Variants in CBLB observed in about 807,000 individuals in gnomAD.
CBLB encodes E3 ubiquitin-protein ligase CBL-B.
CBLB carries 31 observed loss-of-function variants against 104.9 expected under a neutral mutation model. The observed-to-expected ratio is 0.30, with a 90% CI of 0.22 to 0.40. The LOEUF (loss-of-function observed/expected upper bound fraction) is 0.40, where lower values mean the gene tolerates loss of function less well. Ranked by LOEUF, CBLB falls within the 10% of genes least tolerant of loss-of-function variation. CBLB has a pLI of 1.00. For synonymous variants in CBLB, 440 were observed against 422.6 expected (o/e 1.04, Z -0.51); for missense variants, 1,062 against 1,214.6 (o/e 0.87, Z 1.87).
intron 13 of CBLB, among the ~76,000 whole-genome samples, chr3:105,691,431 C>A (rs1423861071): frequency 6.6e-6 from 1 of 152,170 alleles, no homozygotes; most frequent in Non-Finnish European, 1.5e-5. Context: ...ATTTTACTAT[C>A]AATTTGTTAT....
At chr3:105,808,804 G>A (rs2083864447) in intron 3 of CBLB, among the ~76,000 whole-genome samples, 1 of 152,162 alleles carries the variant, frequency 6.6e-6, no homozygotes, top group African/African-American at 2.4e-5. Flanking sequence ...AGAAATAACT[G>A]ATAAAAATGC....
At chr3:105,862,261 T>C (rs1294239304) in intron 2 of CBLB, among the ~76,000 whole-genome samples, 1 of 152,192 alleles carries the variant, frequency 6.6e-6, no homozygotes, top group African/African-American at 2.4e-5. Flanking sequence ...CACTTAATTT[T>C]CTGATTTTAA....
At chr3:105,820,706 GA>G (rs1275619043) in intron 3 of CBLB, among the ~76,000 whole-genome samples, 2 of 151,928 alleles carry the variant, frequency 1.3e-5, no homozygotes, top group Non-Finnish European at 2.9e-5. Flanking sequence ...AGCACAGAAA[GA>G]AATTCTTCAG....
At chr3:105,790,433 T>C (rs1471514206) in intron 3 of CBLB, among the ~76,000 whole-genome samples, 2 of 152,252 alleles carry the variant, frequency 1.3e-5, no homozygotes, top group Non-Finnish European at 1.5e-5. Flanking sequence ...AGATTGATTT[T>C]ATATGCATGA....
intron 4 of CBLB, among the ~76,000 whole-genome samples, chr3:105,751,851 C>T (rs1282801788): frequency 2.0e-5 from 3 of 152,118 alleles, no homozygotes; most frequent in African/African-American, 7.2e-5. Context: ...TTCTCTCAAA[C>T]AGTCCTAGGC....
At chr3:105,741,198 G>GT (rs1213115828) in intron 6 of CBLB, among the ~76,000 whole-genome samples, 10 of 127,258 alleles carry the variant, frequency 7.9e-5, no homozygotes, top group South Asian at 5.4e-4. Flanking sequence ...TAGTTTGTTT[G>GT]TTTTTTTTGA....
intron 4 of CBLB, among the ~76,000 whole-genome samples, chr3:105,772,786 C>T (rs370568155): frequency 4.8e-4 from 73 of 152,242 alleles, no homozygotes; most frequent in Non-Finnish European, 7.5e-4. Flanking sequence ...CACTAATCAT[C>T]GGGGAAATGC....
intron 18 of CBLB, among the ~76,000 whole-genome samples, chr3:105,669,610 T>C (rs1256255400): frequency 6.6e-6 from 1 of 152,002 alleles, no homozygotes; most frequent in East Asian, 1.9e-4. Flanking sequence ...ACCAAATGAA[T>C]TCTGAATAAC....
chr3:105,842,863 T>C (rs1223979714), intron 3 of CBLB, among the ~76,000 whole-genome samples: 2 of 152,242 alleles, frequency 1.3e-5, no homozygotes, highest in African/African-American at 4.8e-5. Flanking sequence ...CCAACTTATA[T>C]ACTCAGTCTG....
chr3:105,708,151 C>G (rs556161466), intron 10 of CBLB, among the ~76,000 whole-genome samples: 2 of 152,162 alleles, frequency 1.3e-5, no homozygotes, highest in East Asian at 3.9e-4. Flanking sequence ...CTTTCTTCCA[C>G]AGTTCTAATC....
chr3:105,756,390 C>T (rs185704593), intron 4 of CBLB, among the ~76,000 whole-genome samples: 70 of 151,852 alleles, frequency 4.6e-4, no homozygotes, highest in African/African-American at 1.7e-3. Flanking sequence ...ATCTAAAAGT[C>T]CCAAATAAAT....
chr3:105,834,722 C>T (rs1221356262), intron 3 of CBLB, among the ~76,000 whole-genome samples: 2 of 152,076 alleles, frequency 1.3e-5, no homozygotes, highest in African/African-American at 4.8e-5. Context: ...ACAAAATCTT[C>T]CCCACTATAC....
At chr3:105,787,344 C>T (rs939341565) in intron 3 of CBLB, among the ~76,000 whole-genome samples, 2 of 152,174 alleles carry the variant, frequency 1.3e-5, no homozygotes. Context: ...GAAGAAAACA[C>T]AGTGCTGACA....
chr3:105,676,935 T>C (rs1180930876), intron 17 of CBLB, among the ~76,000 whole-genome samples: 1 of 152,192 alleles, frequency 6.6e-6, no homozygotes, highest in Non-Finnish European at 1.5e-5. Flanking sequence ...CATGCCCTGG[T>C]TCCCCTTCAC....
At chr3:105,760,982 T>A (rs1044314589) in intron 4 of CBLB, among the ~76,000 whole-genome samples, 1 of 152,244 alleles carries the variant, frequency 6.6e-6, no homozygotes, top group Non-Finnish European at 1.5e-5. Flanking sequence ...AGCAGTCTAT[T>A]ACCGAAATGT....
intron 2 of CBLB, among the ~76,000 whole-genome samples, chr3:105,860,094 ACT>A (rs1054815291): frequency 2.6e-5 from 4 of 152,228 alleles, no homozygotes; most frequent in Admixed American, 6.5e-5. Context: ...TATTCTGTTC[ACT>A]CTCTTTCTTC....
intron 18 of CBLB, among the ~76,000 whole-genome samples, chr3:105,663,494 C>T (rs2064037817): frequency 6.6e-6 from 1 of 152,160 alleles, no homozygotes; most frequent in Admixed American, 6.5e-5. Flanking sequence ...TGGGTCGTGA[C>T]TGCCCTCAGC....
chr3:105,752,093 C>G (rs1243100596), intron 4 of CBLB, among the ~76,000 whole-genome samples: 1 of 152,096 alleles, frequency 6.6e-6, no homozygotes, highest in East Asian at 1.9e-4. Context: ...GGTAGAAAGC[C>G]ATCAAGACAT....
chr3:105,814,148 G>A (rs919229643), intron 3 of CBLB, among the ~76,000 whole-genome samples: 18 of 152,122 alleles, frequency 1.2e-4, no homozygotes, highest in Admixed American at 3.3e-4. Context: ...ATCAAAGAGT[G>A]AGACTCAAAA....
Sources: allele counts gnomAD v4.1 joint callset (sites outside exome capture counted in the v4.1 genomes callset), GRCh38; gene constraint gnomAD v4.1.1; transcripts MANE v1.5; gene names NCBI Gene and HGNC (gene_info 2026-07-23, HGNC 2026-07-21).